STYXL2: variants seen among roughly 807,000 people sequenced by gnomAD.
The protein encoded by STYXL2 is serine/threonine/tyrosine-interacting-like protein 2.
A neutral mutation model predicts 52.4 loss-of-function variants in STYXL2; 44 were observed. The observed-to-expected ratio is 0.84, with a 90% CI of 0.66 to 1.08. The LOEUF (loss-of-function observed/expected upper bound fraction) is 1.08, where lower values mean the gene tolerates loss of function less well. STYXL2 is among the 50% of genes least tolerant of loss of function. STYXL2 has a pLI of 0.00. For synonymous variants in STYXL2, 604 were observed against 586.9 expected, an observed-to-expected ratio of 1.03 and a Z score of -0.42; for missense variants, 1,604 against 1,471.7, an observed-to-expected ratio of 1.09 and a Z score of -1.47.
At chr1:167,103,050 T>C (rs1667434516) in intron 2 of STYXL2, among the ~76,000 whole-genome samples, 1 of 151,894 alleles carries the variant, frequency 6.6e-6, no homozygotes, top group African/African-American at 2.4e-5. Flanking sequence ...TAGGGAAGAC[T>C]CCTTCCTTGT....
chr1:167,099,702 G>T (rs1019568561), intron 2 of STYXL2, among the ~76,000 whole-genome samples: 6 of 152,116 alleles, frequency 3.9e-5, no homozygotes, highest in African/African-American at 1.2e-4. Flanking sequence ...CAACCATTTG[G>T]AACTATTTTG....
chr1:167,117,671 A>G (rs186068292), intron 4 of STYXL2, 112 bp downstream of exon 4: 1 of 959,972 alleles, frequency 1.0e-6, no homozygotes, highest in African/African-American at 1.6e-5. Context: ...ATCCAGCACA[A>G]TGAGGCTGCC....
intron 5 of STYXL2, 39 bp downstream of exon 5, chr1:167,119,505 C>T (rs1009414442): frequency 2.2e-5 from 34 of 1,577,014 alleles, no homozygotes; most frequent in Admixed American, 1.3e-4. Flanking sequence ...TGGAATTCCA[C>T]GGGGGAAAAG....
Position 167,127,486 on chromosome 1 carries a change from T to C in STYXL2, c.2355T>C (p.Pro785=). 6.2e-7 allele frequency: 1 copy of C among 1,614,068 alleles called. No homozygotes were observed. Among genetic ancestry groups the C allele is most frequent in the Non-Finnish European group, 8.5e-7 (1 of 1,180,006 alleles). ...CCTCCTTGGGTGGCTGCCTGTTGCC[T>C]CAGAGCCAGGCAAGACCCAGCTCTG... ...SSSSLGGCLL[P]QSQARPSSDM... is the part of the protein sequence containing the mutation. Residue 785 remains proline, a synonymous_variant, in exon 6 of 6, where the codon CCT becomes CCC. Coordinates refer to ENST00000361200, the MANE Select transcript of STYXL2 (RefSeq NM_001080426.3).
intron 2 of STYXL2, among the ~76,000 whole-genome samples, chr1:167,111,291 A>T (rs1667610623): frequency 6.6e-6 from 1 of 151,714 alleles, no homozygotes; most frequent in African/African-American, 2.4e-5. Context: ...AAGAACTAAA[A>T]GTAGATCTAC....
In STYXL2 at chr1:167,113,728, T is replaced by G; in HGVS notation, c.129T>G (p.Asp43Glu). 12 of 1,613,844 alleles carry G rather than the reference T, an allele frequency of 7.4e-6. No homozygotes were observed. Among genetic ancestry groups the G allele is most frequent in the Non-Finnish European group, 1.0e-5 (12 of 1,179,718 alleles). Residue 43 changes from aspartate to glutamate, a missense_variant, in exon 3 of 6, where the codon GAT (aspartate) becomes GAG (glutamate). Coordinates refer to ENST00000361200, the MANE Select transcript of STYXL2 (RefSeq NM_001080426.3). ...PSPSQYSMVS[D>E]AETESIFMEP... ...CCCTTAGGTATTCGATGGTCTCAGA[T>G]GCAGAAACAGAAAGCATTTTCATGG...
chr1:167,119,362 T>C lies in STYXL2; in HGVS notation c.551T>C (p.Ile184Thr), dbSNP rs574963189. The C allele has an allele frequency of 3.1e-6, 5 of 1,614,112 alleles. No homozygotes were observed. Among genetic ancestry groups the C allele is most frequent in the African/African-American group, 2.7e-5 (2 of 74,944 alleles). The change falls in exon 5 of 6, where the codon ATC (isoleucine) becomes ACC (threonine). Residue 184 changes from isoleucine (I) to threonine (T), a missense_variant. Transcript: ENST00000361200. ...TGPEFYTGLE[I>T]QYLGVEVDDF... is the part of the protein sequence containing the mutation. ...CCCGAATTCTACACTGGCCTGGAGA[T>C]CCAGTACCTGGGTGTAGAGGTGGAT... is the stretch of plus-strand genomic sequence containing the variant.
intron 2 of STYXL2, 108 bp from the exon 3 acceptor site, chr1:167,113,602 C>T (rs1329119728): frequency 3.2e-5 from 27 of 838,900 alleles, no homozygotes; most frequent in South Asian, 1.4e-5. Flanking sequence ...CTTGATCACT[C>T]GTTGTTCCCC....
At chr1:167,101,286 T>C (rs1426568205) in intron 2 of STYXL2, among the ~76,000 whole-genome samples, 1 of 152,160 alleles carries the variant, frequency 6.6e-6, no homozygotes, top group African/African-American at 2.4e-5. Context: ...TACCGTTACA[T>C]TACTATTAAA....
At chr1:167,101,651 A>C (rs1357996510) in intron 2 of STYXL2, among the ~76,000 whole-genome samples, 1 of 152,146 alleles carries the variant, frequency 6.6e-6, no homozygotes, top group Middle Eastern at 3.2e-3. Context: ...TAAAAATACA[A>C]AAATTAGCTG....
At chr1:167,113,263 A>G (rs1172104987) in intron 2 of STYXL2, among the ~76,000 whole-genome samples, 1 of 152,142 alleles carries the variant, frequency 6.6e-6, no homozygotes, top group Non-Finnish European at 1.5e-5. Context: ...GAACAAAGGG[A>G]ACAGAAAGAG....
At position 167,113,822 on chromosome 1, in the gene STYXL2, T is replaced by C. The variant is rs745438093; in HGVS notation, c.205+18T>C. ...CAATGAAGGTAATGCAATCAAAAGC[T>C]GGGTGGAAGCAAAGTCCAGTGGTCA... is the stretch of plus-strand genomic sequence containing the variant. On this transcript the variant is annotated intron_variant, in intron 3 of 5. Transcript: ENST00000361200. The C allele has an allele frequency of 1.2e-5, 19 of 1,599,238 alleles. No individual in the cohort carries two copies. The highest frequency in any genetic ancestry group is 2.2e-5 in the East Asian group (1 of 44,820).
At chr1:167,114,350 A>AT (rs1571340404) in intron 3 of STYXL2, among the ~76,000 whole-genome samples, 2 of 152,270 alleles carry the variant, frequency 1.3e-5, no homozygotes, top group East Asian at 3.9e-4. Context: ...GATTAGATGA[A>AT]TTTTTTTCTA....
chr1:167,127,156 G>C lies in STYXL2; in HGVS notation c.2025G>C (p.Thr675=). 1.2e-6 allele frequency: 2 copies of C among 1,614,126 alleles called. No homozygotes were observed. The highest frequency in any genetic ancestry group is 1.7e-6 in the Non-Finnish European group (2 of 1,179,996). The change falls in exon 6 of 6, where the codon ACG becomes ACC. Residue 675 remains threonine, a synonymous_variant. Coordinates refer to ENST00000361200, the MANE Select transcript of STYXL2 (RefSeq NM_001080426.3). The part of the protein sequence containing the change: ...ADPSVSADGD[T]TSVLSTQSHR... ...CCTCAGTCAGCGCTGATGGGGACAC[G>C]ACGTCAGTACTGAGCACCCAGAGCC...
At chr1:167,104,687 C>T (rs937487794) in intron 2 of STYXL2, among the ~76,000 whole-genome samples, 13 of 152,222 alleles carry the variant, frequency 8.5e-5, no homozygotes, top group Non-Finnish European at 1.0e-4. Flanking sequence ...ACTGACTTCT[C>T]TTCTTCCTTA....
intron 5 of STYXL2, among the ~76,000 whole-genome samples, chr1:167,120,883 T>C (rs28496510): frequency 0.22 from 22,564 of 103,244 alleles, 3,139 homozygotes; most frequent in Middle Eastern, 0.26. Flanking sequence ...TATATATATA[T>C]ATACAGAGAG....
At chr1:167,098,003 C>CTTTTTTT (rs35037292) in intron 2 of STYXL2, among the ~76,000 whole-genome samples, 2 of 96,600 alleles carry the variant, frequency 2.1e-5, no homozygotes, top group Non-Finnish European at 3.9e-5. Flanking sequence ...TCTCTACAAA[C>CTTTTTTT]TTTTTTTTTT....
Position 167,127,009 on chromosome 1 carries a change from G to T in STYXL2, c.1878G>T (p.Arg626Ser), listed in dbSNP as rs1436281199. Residue 626 changes from arginine to serine, a missense_variant, in exon 6 of 6, where the codon AGG (arginine) becomes AGT (serine). By Grantham distance (110) the Arg-to-Ser change is moderately radical (BLOSUM62 -1). Transcript: ENST00000361200. Reference sequence around the variant, plus strand: ...CCTTGGCTAAGAAGAGACAACGGAGGCTGGAGCTGCTGGAGAGAAGCCGGC... The same window carrying T: ...CCTTGGCTAAGAAGAGACAACGGAGTCTGGAGCTGCTGGAGAGAAGCCGGC... ...DSALAKKRQR[R>S]LELLERSRQT... 3 of 1,605,994 alleles carry T rather than the reference G, an allele frequency of 1.9e-6. No homozygotes were observed. The highest frequency in any genetic ancestry group is 2.6e-6 in the Non-Finnish European group (3 of 1,175,328).
At chr1:167,103,871 C>T (rs1667452617) in intron 2 of STYXL2, among the ~76,000 whole-genome samples, 1 of 152,156 alleles carries the variant, frequency 6.6e-6, no homozygotes, top group South Asian at 2.1e-4. Flanking sequence ...CCTGTAACCC[C>T]AGCCCTTTGG....
Sources: allele counts gnomAD v4.1 joint callset (sites outside exome capture counted in the v4.1 genomes callset), GRCh38; gene constraint gnomAD v4.1.1; transcripts MANE v1.5; gene names NCBI Gene and HGNC (gene_info 2026-07-23, HGNC 2026-07-21).